PCDHGA10: variants seen among roughly 807,000 people sequenced by gnomAD.
PCDHGA10 encodes protocadherin gamma subfamily A, 10.
Under a neutral mutation model 59.5 loss-of-function variants are expected in PCDHGA10, and 42 were observed. The observed-to-expected ratio is 0.71, with a 90% CI of 0.55 to 0.91. The LOEUF is 0.91. PCDHGA10 is among the 40% of genes least tolerant of loss of function. PCDHGA10 has a pLI of 0.00. For missense variants in PCDHGA10, 1,111 were observed against 1,198.2 expected (o/e 0.93, Z 1.07); for synonymous variants, 511 against 517.2 (o/e 0.99, Z 0.16).
At chr5:141,498,429 G>T (rs1595525351) in intron 2 of PCDHGA10, among the ~76,000 whole-genome samples, 1 of 152,290 alleles carries the variant, frequency 6.6e-6, no homozygotes, top group East Asian at 1.9e-4. Flanking sequence ...GGAGTGAGGG[G>T]ATGAAGAGGA....
intron 1 of PCDHGA10, among the ~76,000 whole-genome samples, chr5:141,438,263 A>G (rs2097944986): frequency 6.6e-6 from 1 of 152,144 alleles, no homozygotes; most frequent in South Asian, 2.1e-4. Flanking sequence ...AAGAGACCAT[A>G]GAATCAAACA....
chr5:141,502,864 G>T (rs1595824348), intron 2 of PCDHGA10, among the ~76,000 whole-genome samples: 4 of 61,548 alleles, frequency 6.5e-5, no homozygotes, highest in African/African-American at 2.4e-4. Flanking sequence ...CTGACTCTCT[G>T]TCTTTTTTTT....
chr5:141,500,839 G>A (rs2099802871), intron 2 of PCDHGA10, among the ~76,000 whole-genome samples: 1 of 151,906 alleles, frequency 6.6e-6, no homozygotes, highest in African/African-American at 2.4e-5. Flanking sequence ...ATGCTAATGG[G>A]CTTTTGCTAC....
At chr5:141,478,519 G>T (rs778194073) in intron 1 of PCDHGA10, 19 of 1,610,728 alleles carry the variant, frequency 1.2e-5, no homozygotes, top group Non-Finnish European at 1.6e-5. Flanking sequence ...GGCAGGTGTT[G>T]GGTGCAGAGA....
Position 141,431,529 on chromosome 5 carries a change from T to G in PCDHGA10, c.2436+15918T>G, listed in dbSNP as rs145601545. The G allele has an allele frequency of 2.5e-6, 4 of 1,614,074 alleles. No homozygotes were observed. The highest frequency in any genetic ancestry group is 3.4e-6 in the Non-Finnish European group (4 of 1,180,030). ...GCGAGCGTTCCGGAGAATCTGGCCT[T>G]GGGCACGCAGCTGCTTGTAGTCAAC... On this transcript the variant is annotated intron_variant, in intron 1 of 3. Coordinates refer to ENST00000398610, the MANE Select transcript of PCDHGA10 (RefSeq NM_018913.3). The surrounding 1 kb of genome is among the most constrained non-coding windows in gnomAD (Gnocchi z 4.8).
At chr5:141,482,719 G>C (rs1221351410) in intron 1 of PCDHGA10, among the ~76,000 whole-genome samples, 1 of 129,252 alleles carries the variant, frequency 7.7e-6, no homozygotes, top group African/African-American at 3.5e-5. Flanking sequence ...GGCAGGGAGG[G>C]GCCATTGCAA....
chr5:141,511,353 A>C lies in PCDHGA10; in HGVS notation c.*180A>C. ...AGTCAGCACCTACCCCTTCCCCCCC[A>C]GGGGGTTGAATATGCAAAAGCAGTT... On this transcript the variant is annotated 3_prime_UTR_variant, in exon 4 of 4. Transcript: ENST00000398610. 7.3e-7 allele frequency: 1 copy of C among 1,371,054 alleles called. No individual in the cohort carries two copies. Among genetic ancestry groups the C allele is most frequent in the Non-Finnish European group, 9.7e-7 (1 of 1,027,740 alleles). The allele number at this position is 1,371,054 out of a possible 1,614,324, so 84.9% of individuals were successfully genotyped here. A position where few individuals can be genotyped will look rare whatever the true frequency, so the allele number is the denominator to read the frequency against.
At chr5:141,421,846 G>A (rs1187020807) in intron 1 of PCDHGA10, 2 of 1,613,642 alleles carry the variant, frequency 1.2e-6, no homozygotes, top group East Asian at 4.5e-5. Context: ...AGAGAAAGAG[G>A]CTGCTCACCT....
chr5:141,431,607 A>G lies in PCDHGA10; in HGVS notation c.2436+15996A>G. ...GCGGAAGTGAGGTATTCCTTCCGGT[A>G]TGTGGACGACAAGGCGGCCCAAGTT... is the stretch of plus-strand genomic sequence containing the variant. On this transcript the variant is annotated intron_variant, in intron 1 of 3. Transcript: ENST00000398610. The surrounding 1 kb of genome is among the most constrained non-coding windows in gnomAD (Gnocchi z 4.8). 6.2e-7 allele frequency: 1 copy of G among 1,614,230 alleles called. No individual in the cohort carries two copies. Among genetic ancestry groups the G allele is most frequent in the Non-Finnish European group, 8.5e-7 (1 of 1,180,040 alleles).
intron 1 of PCDHGA10, among the ~76,000 whole-genome samples, chr5:141,475,625 G>C (rs1172186188): frequency 2.0e-5 from 3 of 152,204 alleles, no homozygotes; most frequent in African/African-American, 7.2e-5. Flanking sequence ...GGTTTGGTTC[G>C]ATCCCCTTTC....
In PCDHGA10 at chr5:141,477,533, G is replaced by C. The variant is rs780541121; in HGVS notation, c.2437-17274G>C. On this transcript the variant is annotated intron_variant, in intron 1 of 3. Transcript: ENST00000398610. This position sits in a 1 kb window ranked among gnomAD's most constrained non-coding sequence, Gnocchi z 4.9. ...TTACATTGAAGAAAACAACCTCCCC[G>C]GGGCTCCAATACTAAACCTAAGTGT... The C allele has an allele frequency of 6.2e-7, 1 of 1,613,892 alleles. No individual in the cohort carries two copies. The highest frequency in any genetic ancestry group is 1.3e-5 in the African/African-American group (1 of 74,852).
In PCDHGA10 at chr5:141,414,320, A is replaced by G; in HGVS notation, c.1145A>G (p.Gln382Arg). 1.9e-6 allele frequency: 3 copies of G among 1,613,840 alleles called. No individual in the cohort carries two copies. The highest frequency in any genetic ancestry group is 1.6e-4 in the Middle Eastern group (1 of 6,062). ...AATGTGCATGATTTAGACTCTGAGC[A>G]GAATGGACAGGTAACCTGTTCCATT... ...LLNVHDLDSE[Q>R]NGQVTCSILA... The change falls in exon 1 of 4, where the codon CAG becomes CGG. Residue 382 changes from glutamine (Q) to arginine (R), a missense_variant. Gln to Arg is a conservative substitution (Grantham distance 43, BLOSUM62 1). Coordinates refer to ENST00000398610, the MANE Select transcript of PCDHGA10 (RefSeq NM_018913.3).
chr5:141,415,136 G>C lies in PCDHGA10; in HGVS notation c.1961G>C (p.Gly654Ala), dbSNP rs763832284. ...CTCGTAGTGGCCGTCCAGGACCACG[G>C]CCAGCCCCCTCTCTCCGCCACTGTC... ...QSLVVAVQDH[G>A]QPPLSATVTL... is the part of the protein sequence containing the mutation. Residue 654 changes from glycine (G) to alanine (A), a missense_variant, in exon 1 of 4, where the codon GGC becomes GCC. By Grantham distance (60) the Gly-to-Ala change is moderately conservative (BLOSUM62 0). Transcript: ENST00000398610. The C allele has an allele frequency of 6.2e-7, 1 of 1,613,548 alleles. No individual in the cohort carries two copies. Among genetic ancestry groups the C allele is most frequent in the Admixed American group, 1.7e-5 (1 of 60,016 alleles).
At chr5:141,423,460 G>A in intron 1 of PCDHGA10, 1 of 1,614,046 alleles carries the variant, frequency 6.2e-7, no homozygotes, top group Non-Finnish European at 8.5e-7. Context: ...TGTAGGCGTG[G>A]ACGGGGTACA....
chr5:141,445,708 G>A (rs2098475030), intron 1 of PCDHGA10, among the ~76,000 whole-genome samples: 1 of 152,168 alleles, frequency 6.6e-6, no homozygotes, highest in African/African-American at 2.4e-5. Flanking sequence ...AAATTGTCAG[G>A]CAGAGGAAAT....
intron 1 of PCDHGA10, chr5:141,423,869 T>A (rs1239422805): frequency 5.4e-6 from 7 of 1,285,484 alleles, no homozygotes; most frequent in Non-Finnish European, 6.9e-6. Flanking sequence ...TGAAAGTCAT[T>A]TTTCAATCTT....
At position 141,489,369 on chromosome 5, in the gene PCDHGA10, G is replaced by T; in HGVS notation, c.2437-5438G>T. ...TGGTGGAGGAGTCTGAGCCGGGGAC[G>T]CTGGTGGGGAATGTTGCTCAGGATC... On this transcript the variant is annotated intron_variant, in intron 1 of 3. Coordinates refer to ENST00000398610, the MANE Select transcript of PCDHGA10 (RefSeq NM_018913.3). This position sits in a 1 kb window ranked among gnomAD's most constrained non-coding sequence, Gnocchi z 4.5. 6.2e-7 allele frequency: 1 copy of T among 1,613,592 alleles called. No homozygotes were observed.
Position 141,485,048 on chromosome 5 carries a change from C to T in PCDHGA10, c.2437-9759C>T. ...AAACGGCGCGTAACCCTTGCGGCGC[C>T]GGCCGAACCGCGCCAGAGCTGGCGC... On this transcript the variant is annotated intron_variant, in intron 1 of 3. Transcript: ENST00000398610. The surrounding 1 kb of genome is among the most constrained non-coding windows in gnomAD (Gnocchi z 5.7). 1 of 770,392 alleles carries T rather than the reference C, an allele frequency of 1.3e-6. No individual in the cohort carries two copies. Among genetic ancestry groups the T allele is most frequent in the South Asian group, 1.7e-5 (1 of 58,120 alleles). 47.7% of individuals were successfully genotyped at this position (770,392 alleles called of 1,614,324 possible). A position where few individuals can be genotyped will look rare whatever the true frequency, so the allele number is the denominator to read the frequency against.
rs766164142 is a variant in PCDHGA10, at chr5:141,477,910, G to A, written c.2437-16897G>A. On this transcript the variant is annotated intron_variant, in intron 1 of 3. Transcript: ENST00000398610. The surrounding 1 kb of genome is among the most constrained non-coding windows in gnomAD (Gnocchi z 4.9). ...TGTCACGGGTGGTAGGCTGGGACGC[G>A]GATGCAGGGCACAATGCCTGGCTCT... 6.2e-7 allele frequency: 1 copy of A among 1,614,166 alleles called. No individual in the cohort carries two copies. Among genetic ancestry groups the A allele is most frequent in the Admixed American group, 1.7e-5 (1 of 60,020 alleles).
Sources: gnomAD v4.1 joint callset for allele counts (sites outside exome capture counted in the v4.1 genomes callset) on GRCh38, gnomAD v4.1.1 for gene constraint, Gnocchi (gnomAD v3.1) non-coding constraint, MANE v1.5 for transcripts, NCBI Gene and HGNC (gene_info 2026-07-23, HGNC 2026-07-21) for gene names.